IGF2BP3: variants seen among roughly 807,000 people sequenced by gnomAD.
IGF2BP3 encodes insulin like growth factor 2 mRNA binding protein 3.
IGF2BP3 carries 9 observed loss-of-function variants against 73.8 expected under a neutral mutation model. The observed-to-expected ratio is 0.12, with a 90% CI of 0.07 to 0.21. IGF2BP3 has a LOEUF of 0.21. IGF2BP3 is among the 10% of genes least tolerant of loss of function. IGF2BP3 has a pLI of 1.00. For missense variants in IGF2BP3, 542 were observed against 714.0 expected (o/e 0.76, Z 2.75); for synonymous variants, 258 against 256.7 (o/e 1.01, Z -0.05).
At chr7:23,425,367 A>G (rs1787478929) in intron 2 of IGF2BP3, among the ~76,000 whole-genome samples, 1 of 152,148 alleles carries the variant, frequency 6.6e-6, no homozygotes, top group Non-Finnish European at 1.5e-5. Context: ...TTTACTACAT[A>G]GAATTAGATA....
At chr7:23,383,108 A>G (rs1785964713) in intron 3 of IGF2BP3, among the ~76,000 whole-genome samples, 1 of 152,066 alleles carries the variant, frequency 6.6e-6, no homozygotes, top group South Asian at 2.1e-4. Flanking sequence ...CCATGTGTGG[A>G]AACAATATAA....
intron 2 of IGF2BP3, among the ~76,000 whole-genome samples, chr7:23,421,067 T>G (rs1787330593): frequency 6.6e-6 from 1 of 152,222 alleles, no homozygotes; most frequent in African/African-American, 2.4e-5. Context: ...TGGAACTCAG[T>G]GGCACAATCT....
At chr7:23,323,670 G>A (rs1784218023) in intron 10 of IGF2BP3, among the ~76,000 whole-genome samples, 1 of 152,040 alleles carries the variant, frequency 6.6e-6, no homozygotes, top group Admixed American at 6.6e-5. Context: ...ATACTTGGAA[G>A]TAAAGCTCTC....
intron 3 of IGF2BP3, among the ~76,000 whole-genome samples, chr7:23,370,060 G>A (rs955903772): frequency 1.3e-4 from 20 of 152,126 alleles, no homozygotes; most frequent in African/African-American, 4.6e-4. Flanking sequence ...CTTCAACATG[G>A]CATAAGAGGT....
At chr7:23,340,370 C>T (rs577140726) in intron 10 of IGF2BP3, among the ~76,000 whole-genome samples, 1 of 152,264 alleles carries the variant, frequency 6.6e-6, no homozygotes, top group East Asian at 1.9e-4. Context: ...AGGGCAACTG[C>T]TTAGAACCCC....
At chr7:23,467,243 T>C (rs1788585325) in intron 2 of IGF2BP3, among the ~76,000 whole-genome samples, 1 of 152,000 alleles carries the variant, frequency 6.6e-6, no homozygotes, top group African/African-American at 2.4e-5. Context: ...ATGCTTTGCC[T>C]GGGAAGAGAG....
Position 23,370,971 on chromosome 7 carries a change from G to A in IGF2BP3, c.286-9230C>T, listed in dbSNP as rs572184880. On this transcript the variant is annotated intron_variant, in intron 3 of 14. Transcript: ENST00000258729. Reference sequence around the variant, plus strand: ...TGGGATTACAGGCGTGAGTCACTGCGCCCAGCCAGTTCTAGGTGTCTTTAA... The same window carrying A: ...TGGGATTACAGGCGTGAGTCACTGCACCCAGCCAGTTCTAGGTGTCTTTAA... Among the ~76,000 whole-genome samples the A allele has an allele frequency of 2.6e-5, 4 of 152,162 alleles. No homozygotes were observed. In the East Asian group the frequency reaches 7.7e-4, roughly 29 times the overall value.
At chr7:23,459,137 G>A (rs1056688340) in intron 2 of IGF2BP3, among the ~76,000 whole-genome samples, 2 of 152,146 alleles carry the variant, frequency 1.3e-5, no homozygotes, top group Non-Finnish European at 2.9e-5. Context: ...ATTGATCAAA[G>A]GACTTGCATA....
intron 2 of IGF2BP3, among the ~76,000 whole-genome samples, chr7:23,445,141 C>T (rs1240872672): frequency 1.3e-5 from 2 of 152,196 alleles, no homozygotes; most frequent in Admixed American, 1.3e-4. Flanking sequence ...TTCACAGATG[C>T]TCACATATAC....
intron 3 of IGF2BP3, among the ~76,000 whole-genome samples, chr7:23,385,446 C>T (rs1319884999): frequency 2.0e-5 from 3 of 152,142 alleles, no homozygotes; most frequent in African/African-American, 7.2e-5. Flanking sequence ...TGAGACATAG[C>T]CTGGACATTA....
chr7:23,351,871 A>G (rs901890644), intron 5 of IGF2BP3, among the ~76,000 whole-genome samples: 4 of 152,158 alleles, frequency 2.6e-5, no homozygotes, highest in African/African-American at 9.7e-5. Context: ...TAGAAAAACA[A>G]AAAACATTTT....
At chr7:23,393,534 C>G (rs1786351832) in intron 3 of IGF2BP3, among the ~76,000 whole-genome samples, 1 of 152,102 alleles carries the variant, frequency 6.6e-6, no homozygotes, top group African/African-American at 2.4e-5. Context: ...ACCGTGCCCC[C>G]AAAGGGAAAC....
intron 2 of IGF2BP3, among the ~76,000 whole-genome samples, chr7:23,421,785 T>C (rs183313601): frequency 6.6e-6 from 1 of 152,110 alleles, no homozygotes; most frequent in Admixed American, 6.5e-5. Context: ...GGTTTTTTGT[T>C]TGTTTTTGTT....
intron 3 of IGF2BP3, among the ~76,000 whole-genome samples, chr7:23,407,466 G>A (rs751656605): frequency 3.3e-5 from 5 of 151,934 alleles, no homozygotes; most frequent in Non-Finnish European, 7.4e-5. Context: ...AAAATTAGCT[G>A]GGCATGGTGG....
At chr7:23,319,951 C>T (rs750827195) in intron 10 of IGF2BP3, among the ~76,000 whole-genome samples, 3 of 152,088 alleles carry the variant, frequency 2.0e-5, no homozygotes, top group Non-Finnish European at 4.4e-5. Context: ...ACTCTTGTTG[C>T]CCAGACTAGA....
chr7:23,335,921 C>A (rs1313926236), intron 10 of IGF2BP3, among the ~76,000 whole-genome samples: 1 of 152,176 alleles, frequency 6.6e-6, no homozygotes, highest in Non-Finnish European at 1.5e-5. Context: ...AAGTACTGTA[C>A]GAGCCAGCTG....
chr7:23,402,194 A>G (rs1786689283), intron 3 of IGF2BP3: 1 of 152,178 alleles, frequency 6.6e-6, no homozygotes, highest in South Asian at 2.1e-4. Context: ...ATATTTTTAG[A>G]CTTTTAGAGT....
At position 23,310,333 on chromosome 7, in the gene IGF2BP3, ATTTC is replaced by A. The variant is rs1783794113; in HGVS notation, c.*2025_*2028del. On this transcript the variant is annotated 3_prime_UTR_variant, in exon 15 of 15. Transcript: ENST00000258729. ...GAGTACAAAACTCAATTATAGAATT[ATTTC>A]TTAGCTAGTACCAGATACTCCAAAT... The A allele has an allele frequency of 6.6e-6, 1 of 152,254 alleles. No individual in the cohort carries two copies. Among genetic ancestry groups the A allele is most frequent in the African/African-American group, 2.4e-5 (1 of 41,476 alleles). The allele number at this position is 152,254 out of a possible 1,614,324, so 9.4% of individuals were successfully genotyped here.
intron 9 of IGF2BP3, among the ~76,000 whole-genome samples, chr7:23,342,602 C>T (rs1437114324): frequency 6.6e-6 from 1 of 152,150 alleles, no homozygotes; most frequent in East Asian, 1.9e-4. Context: ...GAGATCTTTA[C>T]TTGCTGGGTA....
Sources: gnomAD v4.1 joint callset for allele counts (sites outside exome capture counted in the v4.1 genomes callset) on GRCh38, gnomAD v4.1.1 for gene constraint, MANE v1.5 for transcripts, NCBI Gene and HGNC (gene_info 2026-07-23, HGNC 2026-07-21) for gene names.